ACAN: variants seen among roughly 807,000 people sequenced by gnomAD.
ACAN encodes aggrecan core protein.
In ACAN, 47 loss-of-function variants were observed where a neutral mutation model predicts 169.1. The observed-to-expected ratio is 0.28, with a 90% confidence interval of 0.22 to 0.35. ACAN has a LOEUF of 0.35. Among genes scored for constraint, ACAN ranks in the 10% least tolerant of loss-of-function variants. The pLI is 1.00. For missense variants in ACAN, 2,716 were observed against 2,759.9 expected (o/e 0.98, Z 0.36); for synonymous variants, 1,115 against 1,112.2 (o/e 1.00, Z -0.05).
intron 1 of ACAN, among the ~76,000 whole-genome samples, chr15:88,835,073 A>C (rs969712693): frequency 6.6e-6 from 1 of 152,256 alleles, no homozygotes; most frequent in Non-Finnish European, 1.5e-5. Context: ...TCATTGATCT[A>C]GCAGGAGAGC....
intron 13 of ACAN, among the ~76,000 whole-genome samples, chr15:88,867,095 C>G (rs892029607): frequency 6.6e-6 from 1 of 152,192 alleles, no homozygotes; most frequent in African/African-American, 2.4e-5. Context: ...GGGGATAAAA[C>G]AGCAGGAACC....
chr15:88,861,958 A>G lies in ACAN; in HGVS notation c.6946+1519A>G, dbSNP rs1462702241. 1.3e-5 allele frequency among the ~76,000 whole-genome samples: 2 copies of G among 152,222 alleles called. No homozygotes were observed. The highest frequency in any genetic ancestry group is 2.9e-5 in the Non-Finnish European group (2 of 68,038). ...TTTCTCCCCAGATGGCTCTGTAAGC[A>G]GCTTGGTAACTACCCCCATTTGAGA... On this transcript the variant is annotated intron_variant, in intron 13 of 18. Transcript: ENST00000560601. This position sits in a 1 kb window ranked among gnomAD's most constrained non-coding sequence, Gnocchi z 6.3.
chr15:88,842,796 C>G (rs1308021436), intron 5 of ACAN, among the ~76,000 whole-genome samples: 1 of 152,176 alleles, frequency 6.6e-6, no homozygotes. Context: ...CCGCCCCCAC[C>G]CTTACCCCTT....
At chr15:88,812,704 G>C (rs1371508399) in intron 1 of ACAN, among the ~76,000 whole-genome samples, 1 of 151,990 alleles carries the variant, frequency 6.6e-6, no homozygotes, top group African/African-American at 2.4e-5. Flanking sequence ...CTGATTTAAA[G>C]AAAACAAACA....
chr15:88,823,693 C>G lies in ACAN; in HGVS notation c.-7-12507C>G, dbSNP rs74028465. On this transcript the variant is annotated intron_variant, in intron 1 of 18. Coordinates refer to ENST00000560601, the MANE Select transcript of ACAN (RefSeq NM_001369268.1). The stretch of plus-strand genomic sequence containing the variant: ...TAGGAAGCACCACTGGCCTTCCTTT[C>G]CGGTACCTGGACTCAGCATCACTCC... 0.024 allele frequency among the ~76,000 whole-genome samples: 3,612 copies of G among 152,208 alleles called. 242 individuals carry two copies. In the East Asian group the frequency reaches 0.28, roughly 12 times the overall value.
intron 13 of ACAN, among the ~76,000 whole-genome samples, chr15:88,865,177 A>G (rs2141625299): frequency 6.6e-6 from 1 of 152,316 alleles, no homozygotes; most frequent in East Asian, 1.9e-4. Flanking sequence ...TTTTGGTTAT[A>G]GTAGTGGGAA....
At chr15:88,834,374 C>T (rs2141552025) in intron 1 of ACAN, among the ~76,000 whole-genome samples, 2 of 152,306 alleles carry the variant, frequency 1.3e-5, no homozygotes, top group Middle Eastern at 6.8e-3. Context: ...CCCACCCTGC[C>T]CCTGCCCCTG....
At chr15:88,827,441 T>G (rs1015434933) in intron 1 of ACAN, among the ~76,000 whole-genome samples, 2 of 152,272 alleles carry the variant, frequency 1.3e-5, no homozygotes, top group Non-Finnish European at 1.5e-5. Context: ...ATGTGGGTGG[T>G]GTTTCTTATC....
At chr15:88,819,600 CA>C (rs35471694) in intron 1 of ACAN, among the ~76,000 whole-genome samples, 1,366 of 111,058 alleles carry the variant, frequency 0.012, 8 homozygotes, top group Non-Finnish European at 0.018. Flanking sequence ...CTCGTCTCTA[CA>C]AAAAAAAAAA....
At chr15:88,864,294 G>A (rs976708257) in intron 13 of ACAN, among the ~76,000 whole-genome samples, 3 of 150,308 alleles carry the variant, frequency 2.0e-5, no homozygotes, top group Admixed American at 6.6e-5. Flanking sequence ...TTAAGACAGA[G>A]TCTCGCACTG....
Position 88,874,472 on chromosome 15 carries a change from A to G in ACAN, c.7698A>G (p.Thr2566=), listed in dbSNP as rs747795392. Residue 2566 remains threonine (T), a synonymous_variant, in exon 19 of 19, where the codon ACA becomes ACG. Transcript: ENST00000560601. This position sits in a 1 kb window ranked among gnomAD's most constrained non-coding sequence, Gnocchi z 7.3. ...ACCCTCGGAGGAGCCGCCCCAGCAC[A>G]GCCCACTGAGAAGAGCTTCCAGGAC... The part of the protein sequence containing the change: ...SRHPRRSRPS[T]AH 6 of 1,601,976 alleles carry G rather than the reference A, an allele frequency of 3.7e-6. No individual in the cohort carries two copies. The highest frequency in any genetic ancestry group is 5.1e-6 in the Non-Finnish European group (6 of 1,174,676).
rs1383037387 is a variant in ACAN at position 88,843,005 on chromosome 15, GC to G, written c.758-349del. On this transcript the variant is annotated intron_variant, in intron 5 of 18. Transcript: ENST00000560601. The surrounding 1 kb of genome is among the most constrained non-coding windows in gnomAD (Gnocchi z 4.0). ...AAAGGATTTGCCTTGAGTAGGCAAT[GC>G]TTAACTCCTAGGAAAGATCCCCCTG... Among the ~76,000 whole-genome samples, 4 of 152,348 alleles carry G rather than the reference GC, an allele frequency of 2.6e-5. No individual in the cohort carries two copies. The highest frequency in any genetic ancestry group is 4.1e-4 in the South Asian group (2 of 4,832).
rs553829004 is a variant in ACAN at position 88,814,981 on chromosome 15, T to C, written c.-8+11172T>C. 6.6e-6 allele frequency among the ~76,000 whole-genome samples: 1 copy of C among 151,900 alleles called. No individual in the cohort carries two copies. The highest frequency in any genetic ancestry group is 2.4e-5 in the African/African-American group (1 of 41,394). On this transcript the variant is annotated intron_variant, in intron 1 of 18. Transcript: ENST00000560601. This position sits in a 1 kb window ranked among gnomAD's most constrained non-coding sequence, Gnocchi z 4.0. Reference sequence around the variant, plus strand: ...AGTTAAGGTGGCTGAACAGACTCAGTTCTACCTCCAGCTGAAACTTTGGTT... The same window carrying C: ...AGTTAAGGTGGCTGAACAGACTCAGCTCTACCTCCAGCTGAAACTTTGGTT...
Position 88,841,984 on chromosome 15 carries a change from C to G in ACAN, c.757+117C>G, listed in dbSNP as rs1054405987. ...GGCTGCCAGCTCAGGGCCTGACACACTCTGTCCTCCTCTGCCATGAAGGGA... is the reference window on the plus strand; with the variant it reads ...GGCTGCCAGCTCAGGGCCTGACACAGTCTGTCCTCCTCTGCCATGAAGGGA... On this transcript the variant is annotated intron_variant, in intron 5 of 18. Transcript: ENST00000560601. 2.3e-6 allele frequency: 3 copies of G among 1,331,676 alleles called. No individual in the cohort carries two copies. The East Asian group carries it at 7.2e-5, about 32-fold the overall frequency. 82.5% of individuals were successfully genotyped at this position (1,331,676 alleles called of 1,614,324 possible).
At chr15:88,815,945 C>G (rs1013895017) in intron 1 of ACAN, among the ~76,000 whole-genome samples, 14 of 152,200 alleles carry the variant, frequency 9.2e-5, no homozygotes, top group Non-Finnish European at 1.3e-4. Context: ...ATTGGCAGGG[C>G]CATGCTCCCT....
intron 7 of ACAN, 84 bp downstream of exon 7, chr15:88,845,966 T>C: frequency 2.2e-6 from 3 of 1,350,162 alleles, no homozygotes; most frequent in Non-Finnish European, 2.9e-6. Flanking sequence ...TTGAAGGCTG[T>C]ACCTTCTACT....
Position 88,807,748 on chromosome 15 carries a change from G to GTGTGTA in ACAN, c.-8+3944_-8+3945insATGTGT, listed in dbSNP as rs1491190345. On this transcript the variant is annotated intron_variant, in intron 1 of 18. Transcript: ENST00000560601. This position sits in a 1 kb window ranked among gnomAD's most constrained non-coding sequence, Gnocchi z 4.0. ...TCAGAGCCTCCTTATAAGTGGTGGA[G>GTGTGTA]TGTGTGTGTGTGTGTGTGTGTGTGT... Among the ~76,000 whole-genome samples, 1 of 3,654 alleles carries GTGTGTA rather than the reference G, an allele frequency of 2.7e-4. No homozygotes were observed. The highest frequency in any genetic ancestry group is 7.2e-4 in the Non-Finnish European group (1 of 1,384). The allele number at this position is 3,654 out of a possible 152,430, so 2.4% of individuals were successfully genotyped here. A position where few individuals can be genotyped will look rare whatever the true frequency, so the allele number is the denominator to read the frequency against.
In ACAN at chr15:88,855,086, A is replaced by C. The variant is rs1897019663; in HGVS notation, c.2501A>C (p.Glu834Ala). The C allele has an allele frequency of 1.3e-6, 2 of 1,590,728 alleles. No homozygotes were observed. Among genetic ancestry groups the C allele is most frequent in the Non-Finnish European group, 1.7e-6 (2 of 1,169,580 alleles). The change falls in exon 12 of 19, where the codon GAA becomes GCA. Residue 834 changes from glutamate to alanine, a missense_variant. Glu to Ala is a moderately radical substitution (Grantham distance 107). This residue lies in a region of ACAN where 1,283 missense variants were observed against 1,281.5 expected (regional missense o/e 1.00). Coordinates refer to ENST00000560601, the MANE Select transcript of ACAN (RefSeq NM_001369268.1). ...FPSKEPSPSE[E>A]PSASEEPYTP... Reference sequence around the variant, plus strand: ...TCCAAGGAGCCATCCCCCTCAGAGGAACCATCAGCCTCGGAAGAGCCGTAT... The same window carrying C: ...TCCAAGGAGCCATCCCCCTCAGAGGCACCATCAGCCTCGGAAGAGCCGTAT...
intron 1 of ACAN, among the ~76,000 whole-genome samples, chr15:88,815,401 A>T (rs2141501039): frequency 6.6e-6 from 1 of 152,152 alleles, no homozygotes; most frequent in East Asian, 1.9e-4. Context: ...TCTACTAAAA[A>T]TATAAAAATT....
Sources: gnomAD v4.1 joint callset for allele counts (sites outside exome capture counted in the v4.1 genomes callset) on GRCh38, gnomAD v4.1.1 for gene constraint, gnomAD v4.1.1 regional missense constraint, Gnocchi (gnomAD v3.1) non-coding constraint, MANE v1.5 for transcripts, NCBI Gene and HGNC (gene_info 2026-07-23, HGNC 2026-07-21) for gene names.